Variants in RALGAPB observed in about 807,000 individuals in gnomAD.
RALGAPB encodes the protein ral GTPase-activating protein subunit beta.
In RALGAPB, 25 loss-of-function variants were observed where a neutral mutation model predicts 161.1. That is an observed-to-expected ratio of 0.16 (90% CI 0.11 to 0.22). The LOEUF (loss-of-function observed/expected upper bound fraction) is 0.22. RALGAPB is among the 10% of genes least tolerant of loss of function. The pLI is 1.00. For missense variants in RALGAPB, 1,391 were observed against 1,815.2 expected (o/e 0.77, Z 4.25); for synonymous variants, 629 against 626.1 (o/e 1.00, Z -0.07).
At chr20:38,477,096 A>G (rs2084824289) in intron 1 of RALGAPB, among the ~76,000 whole-genome samples, 1 of 152,202 alleles carries the variant, frequency 6.6e-6, no homozygotes, top group African/African-American at 2.4e-5. Flanking sequence ...TGTCAAATAG[A>G]ATTTTCTGCA....
chr20:38,522,211 A>T (rs532110581), intron 10 of RALGAPB, among the ~76,000 whole-genome samples: 6 of 152,356 alleles, frequency 3.9e-5, no homozygotes, highest in African/African-American at 1.4e-4. Flanking sequence ...GTTTTGGGGG[A>T]TTAAATGATT....
chr20:38,490,503 C>T lies in RALGAPB; in HGVS notation c.186+1885C>T, dbSNP rs539370138. ...TATTACAGGCGTGAGCCACCGCGCCCGGCCTATTTATTTATTTTTTGAGAC... is the reference window on the plus strand; with the variant it reads ...TATTACAGGCGTGAGCCACCGCGCCTGGCCTATTTATTTATTTTTTGAGAC... On this transcript the variant is annotated intron_variant, in intron 2 of 29. Coordinates refer to ENST00000262879, the MANE Select transcript of RALGAPB (RefSeq NM_020336.4). 8.7e-5 allele frequency among the ~76,000 whole-genome samples: 13 copies of T among 148,738 alleles called. 1 individual carries two copies. Among genetic ancestry groups the T allele is most frequent in the Non-Finnish European group, 1.3e-4 (9 of 67,450 alleles).
intron 24 of RALGAPB, among the ~76,000 whole-genome samples, chr20:38,564,790 T>A (rs192682863): frequency 2.5e-4 from 38 of 152,294 alleles, no homozygotes; most frequent in Non-Finnish European, 1.5e-5. Context: ...TAGAAATGCC[T>A]TAAAAGCAAG....
chr20:38,561,223 C>T (rs2087774351), intron 23 of RALGAPB, among the ~76,000 whole-genome samples: 1 of 152,184 alleles, frequency 6.6e-6, no homozygotes, highest in South Asian at 2.1e-4. Context: ...GCTCGGGTGG[C>T]TGAGGCAGGA....
intron 18 of RALGAPB, 76 bp downstream of exon 18, chr20:38,541,268 TTCCTGATTGTTCAGCATTGCG>T (rs1184903398): frequency 2.1e-6 from 3 of 1,404,576 alleles, no homozygotes; most frequent in Non-Finnish European, 2.9e-6. Flanking sequence ...TTTCATTTCC[TTCCTGATTGTTCAGCATTGCG>T]TGATGCAGCC....
At position 38,517,683 on chromosome 20, in the gene RALGAPB, T is replaced by C. The variant is rs1427175758; in HGVS notation, c.1200+29T>C. ...AGAGTTTACATCACCATTGTTATGC[T>C]ATATAAGGTTGGCTTTTTAATCTGC... On this transcript the variant is annotated intron_variant, in intron 8 of 29. Transcript: ENST00000262879. 2.5e-6 allele frequency: 4 copies of C among 1,609,698 alleles called. 1 individual carries two copies. The South Asian group carries it at 4.4e-5, about 18-fold the overall frequency.
chr20:38,531,432 C>T (rs1470518544), intron 14 of RALGAPB, among the ~76,000 whole-genome samples: 1 of 152,034 alleles, frequency 6.6e-6, no homozygotes, highest in East Asian at 1.9e-4. Flanking sequence ...ATCAGGTTCC[C>T]GAGATATTCT....
chr20:38,489,849 A>AG (rs1568904560), intron 2 of RALGAPB, among the ~76,000 whole-genome samples: 1 of 152,166 alleles, frequency 6.6e-6, no homozygotes, highest in Admixed American at 6.5e-5. Context: ...GGACTAGCAC[A>AG]GGCCCTAGTG....
chr20:38,475,607 A>ATT (rs925206723), intron 1 of RALGAPB, among the ~76,000 whole-genome samples: 1 of 148,504 alleles, frequency 6.7e-6, no homozygotes, highest in South Asian at 2.1e-4. Context: ...ATTTCATAAA[A>ATT]TTTTTTTTTT....
In RALGAPB at chr20:38,574,144, C is replaced by A; in HGVS notation, c.4143-6C>A. On this transcript the variant is annotated splice_region_variant and splice_polypyrimidine_tract_variant and intron_variant, in intron 28 of 29. Coordinates refer to ENST00000262879, the MANE Select transcript of RALGAPB (RefSeq NM_020336.4). ...GTGTCTGAGATAACAATTTTCTTTT[C>A]TTAAGATCTACAACTCTTGAAAAAG... is the stretch of plus-strand genomic sequence containing the variant. 1 of 1,597,914 alleles carries A rather than the reference C, an allele frequency of 6.3e-7. No homozygotes were observed. The highest frequency in any genetic ancestry group is 1.1e-5 in the South Asian group (1 of 88,316).
Position 38,526,099 on chromosome 20 carries a change from T to G in RALGAPB, c.2050+57T>G. 3 of 1,578,476 alleles carry G rather than the reference T, an allele frequency of 1.9e-6. No homozygotes were observed. The East Asian group carries it at 6.7e-5, about 35-fold the overall frequency. ...ACCAAAGTACTGTTGACTACAGGCC[T>G]GCTGAGGAGGCGGCAGTCGGTAATG... On this transcript the variant is annotated intron_variant, in intron 13 of 29. Coordinates refer to ENST00000262879, the MANE Select transcript of RALGAPB (RefSeq NM_020336.4).
intron 10 of RALGAPB, among the ~76,000 whole-genome samples, chr20:38,523,637 G>T (rs1341112615): frequency 6.6e-6 from 1 of 152,222 alleles, no homozygotes. Flanking sequence ...CAGATATCCA[G>T]TAAGCTTTTG....
At chr20:38,523,626 C>G (rs1485863897) in intron 10 of RALGAPB, among the ~76,000 whole-genome samples, 1 of 152,162 alleles carries the variant, frequency 6.6e-6, no homozygotes, top group Admixed American at 6.5e-5. Flanking sequence ...CACTAGACAT[C>G]CAGATATCCA....
chr20:38,509,852 T>G (rs1375889822), intron 6 of RALGAPB, among the ~76,000 whole-genome samples: 1 of 152,250 alleles, frequency 6.6e-6, no homozygotes, highest in Non-Finnish European at 1.5e-5. Context: ...CTATTTTGTG[T>G]ATCAGTGATT....
chr20:38,508,597 A>T (rs1256351351), intron 5 of RALGAPB, among the ~76,000 whole-genome samples: 2 of 152,092 alleles, frequency 1.3e-5, no homozygotes, highest in South Asian at 4.1e-4. Context: ...ATAATTTAAA[A>T]CACTCTTTTT....
chr20:38,514,038 G>C (rs1188166965), intron 6 of RALGAPB, among the ~76,000 whole-genome samples: 3 of 152,180 alleles, frequency 2.0e-5, no homozygotes, highest in African/African-American at 4.8e-5. Flanking sequence ...TGAGCTGACT[G>C]TGGTACTTTA....
At position 38,575,199 on chromosome 20, in the gene RALGAPB, T is replaced by C; in HGVS notation, c.*232T>C. On this transcript the variant is annotated 3_prime_UTR_variant, in exon 30 of 30. Coordinates refer to ENST00000262879, the MANE Select transcript of RALGAPB (RefSeq NM_020336.4). The stretch of plus-strand genomic sequence containing the variant: ...CCTGCTGATAATGATGATATACATT[T>C]TAGCCATAAACTTTCTTTTAAAAGT... The C allele has an allele frequency of 2.2e-6, 1 of 451,152 alleles. No homozygotes were observed. Among genetic ancestry groups the C allele is most frequent in the East Asian group, 3.6e-5 (1 of 27,760 alleles). The allele number at this position is 451,152 out of a possible 1,614,324, so 27.9% of individuals were successfully genotyped here.
chr20:38,528,710 T>C (rs2086550329), intron 13 of RALGAPB, among the ~76,000 whole-genome samples: 1 of 151,986 alleles, frequency 6.6e-6, no homozygotes. Context: ...AGATGGAGTC[T>C]CGCTGTGTCA....
chr20:38,524,827 C>T lies in RALGAPB; in HGVS notation c.1669C>T (p.His557Tyr). 6.2e-7 allele frequency: 1 copy of T among 1,609,432 alleles called. No individual in the cohort carries two copies. Among genetic ancestry groups the T allele is most frequent in the African/African-American group, 1.3e-5 (1 of 74,914 alleles). Residue 557 changes from histidine (H) to tyrosine (Y), a missense_variant, in exon 11 of 30, where the codon CAT (histidine) becomes TAT (tyrosine). Coordinates refer to ENST00000262879, the MANE Select transcript of RALGAPB (RefSeq NM_020336.4). ...TTTGCAGATAAATGATTATGTGTGC[C>T]ATCCTGTCTTGGCCAGCGTTATTCT... ...QGLQINDYVC[H>Y]PVLASVILNS...
Sources: allele counts gnomAD v4.1 joint callset (sites outside exome capture counted in the v4.1 genomes callset), GRCh38; gene constraint gnomAD v4.1.1; transcripts MANE v1.5; gene names NCBI Gene and HGNC (gene_info 2026-07-23, HGNC 2026-07-21).